EPHA10: variants seen among roughly 807,000 people sequenced by gnomAD.
EPHA10 encodes ephrin type-A receptor 10.
A neutral mutation model predicts 109.7 loss-of-function variants in EPHA10; 120 were observed. The ratio of observed to expected loss-of-function variants is 1.09; its 90% CI spans 0.94 to 1.27. The LOEUF is 1.27. EPHA10 is among the 50% of genes most tolerant of loss of function. EPHA10 has a pLI of 0.00. For missense variants in EPHA10, 1,396 were observed against 1,411.1 expected, an observed-to-expected ratio of 0.99 and a Z score of 0.17; for synonymous variants, 640 against 618.9, an observed-to-expected ratio of 1.03 and a Z score of -0.51.
At chr1:37,728,188 T>C (rs1181302308) in intron 7 of EPHA10, among the ~76,000 whole-genome samples, 1 of 152,132 alleles carries the variant, frequency 6.6e-6, no homozygotes, top group Non-Finnish European at 1.5e-5. Flanking sequence ...GTCCCCTGTG[T>C]CTGGGAAACA....
chr1:37,739,158 AAG>A (rs889626690), intron 5 of EPHA10, among the ~76,000 whole-genome samples: 4 of 149,362 alleles, frequency 2.7e-5, no homozygotes, highest in Non-Finnish European at 5.9e-5. Context: ...AATAATAAAA[AAG>A]AGTTAAAAAA....
At chr1:37,728,523 G>A (rs2148325139) in intron 7 of EPHA10, among the ~76,000 whole-genome samples, 1 of 152,286 alleles carries the variant, frequency 6.6e-6, no homozygotes, top group East Asian at 1.9e-4. Flanking sequence ...CTTCCGCGTG[G>A]GACACAGGGA....
intron 3 of EPHA10, among the ~76,000 whole-genome samples, chr1:37,759,842 A>G (rs1434767939): frequency 1.3e-5 from 2 of 152,230 alleles, no homozygotes; most frequent in African/African-American, 4.8e-5. Context: ...AACACACATA[A>G]GTAGATCAGT....
In EPHA10 at chr1:37,735,219, C is replaced by T. The variant is rs181474540; in HGVS notation, c.1491+38G>A. ...AACCAGAAGCCCTGCGGGACAGGTG[C>T]GGGGCAGGCTCCAGGTCCCTCCCAG... On this transcript the variant is annotated intron_variant, in intron 6 of 16. Coordinates refer to ENST00000373048, the MANE Select transcript of EPHA10 (RefSeq NM_001099439.2). The T allele has an allele frequency of 1.4e-4, 224 of 1,557,474 alleles. No individual in the cohort carries two copies. The East Asian group carries it at 3.8e-3, about 26-fold the overall frequency.
Position 37,761,303 on chromosome 1 carries a change from C to G in EPHA10, c.850+102G>C, listed in dbSNP as rs1234232171. 5.2e-6 allele frequency: 8 copies of G among 1,545,006 alleles called. No individual in the cohort carries two copies. The East Asian group carries it at 1.6e-4, about 30-fold the overall frequency. On this transcript the variant is annotated intron_variant, in intron 3 of 16. Transcript: ENST00000373048. ...TCCAGAGTCCAAGGCTTCTCCACCG[C>G]CCCCCGACCCCACACCCGCCTCTTT...
In EPHA10 at chr1:37,717,827, C is replaced by G; in HGVS notation, c.*545G>C. The G allele has an allele frequency of 4.3e-6, 1 of 234,866 alleles. No homozygotes were observed. The highest frequency in any genetic ancestry group is 8.4e-6 in the Non-Finnish European group (1 of 118,954). The allele number at this position is 234,866 out of a possible 1,614,324, so 14.5% of individuals were successfully genotyped here. ...GCCTGAGCCTTGGCCAGTGTCCAGT[C>G]AGCCCCTGCCAAGGCACAGGGAGCT... On this transcript the variant is annotated 3_prime_UTR_variant, in exon 17 of 17. Transcript: ENST00000373048.
chr1:37,751,135 G>A (rs374112275), intron 5 of EPHA10, among the ~76,000 whole-genome samples: 12 of 146,876 alleles, frequency 8.2e-5, no homozygotes, highest in African/African-American at 2.5e-4. Context: ...AACCCCAGAC[G>A]CGGAGCTTGT....
chr1:37,740,757 G>A (rs957612023), intron 5 of EPHA10, among the ~76,000 whole-genome samples: 1 of 152,120 alleles, frequency 6.6e-6, no homozygotes, highest in African/African-American at 2.4e-5. Context: ...TCGGCAAAGG[G>A]GTTTCCAAGA....
chr1:37,733,210 T>C lies in EPHA10; in HGVS notation c.1492-1628A>G, dbSNP rs184138075. On this transcript the variant is annotated intron_variant, in intron 6 of 16. Coordinates refer to ENST00000373048, the MANE Select transcript of EPHA10 (RefSeq NM_001099439.2). ...GCCCGGACTTGTTCCTTCTTTTTTG[T>C]TGTTTTTGGGGGTTTTGGTGGGTTT... Among the ~76,000 whole-genome samples, 7 of 151,668 alleles carry C rather than the reference T, an allele frequency of 4.6e-5. No homozygotes were observed. In the East Asian group the frequency reaches 9.8e-4, roughly 21 times the overall value.
At chr1:37,714,379 G>A (rs943116136), downstream of EPHA10, among the ~76,000 whole-genome samples, 15 of 152,138 alleles carry the variant, frequency 9.9e-5, no homozygotes, top group Admixed American at 3.9e-4. Flanking sequence ...ACATGCATGC[G>A]CACTCAGGCC....
rs760341550 is a variant in EPHA10 at position 37,719,897 on chromosome 1, C to T, written c.2562+12G>A. ...GTCAGAAGGCATGCAGCTGGAGCCA[C>T]GGGTTACTCACGTCTTGGCCAGACA... On this transcript the variant is annotated intron_variant, in intron 14 of 16. Transcript: ENST00000373048. The T allele has an allele frequency of 6.8e-6, 11 of 1,613,908 alleles. No individual in the cohort carries two copies. The highest frequency in any genetic ancestry group is 4.5e-5 in the East Asian group (2 of 44,884).
rs1646434990 is a variant in EPHA10 at position 37,761,820 on chromosome 1, G to A, written c.435C>T (p.Gly145=). 1 of 1,613,658 alleles carries A rather than the reference G, an allele frequency of 6.2e-7. No homozygotes were observed. The highest frequency in any genetic ancestry group is 1.7e-5 in the Admixed American group (1 of 60,006). ...ADLGRGRPRL[G]GSRPRKIDTI... ...TGTCGATTTTGCGGGGCCGGCTGCCGCCTAGGCGGGGACGCCCACGGCCCA... is the reference window on the plus strand; with the variant it reads ...TGTCGATTTTGCGGGGCCGGCTGCCACCTAGGCGGGGACGCCCACGGCCCA... The change falls in exon 3 of 17, where the codon GGC becomes GGT. Residue 145 remains glycine (G), a synonymous_variant. Coordinates refer to ENST00000373048, the MANE Select transcript of EPHA10 (RefSeq NM_001099439.2).
At chr1:37,763,141 G>A (rs1279866809) in intron 1 of EPHA10, among the ~76,000 whole-genome samples, 1 of 152,174 alleles carries the variant, frequency 6.6e-6, no homozygotes, top group Admixed American at 6.5e-5. Context: ...TTCTGTTACA[G>A]TTCTGGAGGT....
chr1:37,751,867 G>C (rs1646333239), intron 5 of EPHA10, among the ~76,000 whole-genome samples: 1 of 143,696 alleles, frequency 7.0e-6, no homozygotes, highest in South Asian at 2.3e-4. Flanking sequence ...GCAAGACTCT[G>C]TCTCAAAAAA....
chr1:37,728,550 C>G (rs1309839245), intron 7 of EPHA10, among the ~76,000 whole-genome samples: 1 of 152,158 alleles, frequency 6.6e-6, no homozygotes. Flanking sequence ...AGGTCCAAGT[C>G]TGGGGACTAG....
Position 37,753,063 on chromosome 1 carries a change from C to T in EPHA10, c.1170G>A (p.Glu390=). 7.9e-7 allele frequency: 1 copy of T among 1,273,040 alleles called. No homozygotes were observed. The highest frequency in any genetic ancestry group is 9.9e-7 in the Non-Finnish European group (1 of 1,011,158). The allele number at this position is 1,273,040 out of a possible 1,614,324, so 78.9% of individuals were successfully genotyped here. Residue 390 remains glutamate, a synonymous_variant, in exon 5 of 17, where the codon GAG becomes GAA. Transcript: ENST00000373048. ...GGAAGGCCACGCGCGGCCCGCACGG[C>T]TCGCAGGCGCCCGCCGGGCCCTCGC... ...CGREGPAGAC[E]PCGPRVAFLP... is the part of the protein sequence containing the mutation.
chr1:37,757,847 T>C (rs1267022056), intron 3 of EPHA10, among the ~76,000 whole-genome samples: 2 of 152,154 alleles, frequency 1.3e-5, no homozygotes, highest in Non-Finnish European at 1.5e-5. Context: ...TCCCACCTTA[T>C]AGGGAGAAGG....
chr1:37,732,167 T>G (rs551037092), intron 6 of EPHA10, among the ~76,000 whole-genome samples: 36 of 152,296 alleles, frequency 2.4e-4, no homozygotes, highest in Admixed American at 2.2e-3. Flanking sequence ...GATGAGCGCC[T>G]ACTCAGTGCC....
intron 16 of EPHA10, 66 bp downstream of exon 16, chr1:37,718,595 T>C: frequency 1.2e-6 from 2 of 1,611,878 alleles, no homozygotes; most frequent in South Asian, 1.1e-5. Flanking sequence ...GACTCCCCAG[T>C]ATAGGCAGGG....
Sources: gnomAD v4.1 joint callset for allele counts (sites outside exome capture counted in the v4.1 genomes callset) on GRCh38, gnomAD v4.1.1 for gene constraint, MANE v1.5 for transcripts, NCBI Gene and HGNC (gene_info 2026-07-23, HGNC 2026-07-21) for gene names.